NOP9: variants seen among roughly 807,000 people sequenced by gnomAD.
The protein encoded by NOP9 is NOP9 nucleolar protein, also known as nucleolar protein 9.
A neutral mutation model predicts 63.0 loss-of-function variants in NOP9; 50 were observed. The ratio of observed to expected loss-of-function variants is 0.79; its 90% CI spans 0.63 to 1.00. The LOEUF is 1.00. Ranked by LOEUF, NOP9 falls within the 50% of genes least tolerant of loss-of-function variation. The pLI, the probability that NOP9 is intolerant of heterozygous loss-of-function variation, is 0.00. For missense variants in NOP9, 758 were observed against 803.0 expected, an observed-to-expected ratio of 0.94 and a Z score of 0.68; for synonymous variants, 343 against 332.8, an observed-to-expected ratio of 1.03 and a Z score of -0.33.
At position 24,299,887 on chromosome 14, in the gene NOP9, C is replaced by G; in HGVS notation, c.-68C>G. On this transcript the variant is annotated 5_prime_UTR_variant, in exon 1 of 10. Transcript: ENST00000267425. ...AAACTTTGTCTGGATAAGGCGCACGCTTGGCGACGTCGAAGGTCCGTCCGC... is the reference window on the plus strand; with the variant it reads ...AAACTTTGTCTGGATAAGGCGCACGGTTGGCGACGTCGAAGGTCCGTCCGC... The G allele has an allele frequency of 6.7e-7, 1 of 1,489,682 alleles. No homozygotes were observed. Among genetic ancestry groups the G allele is most frequent in the South Asian group, 1.4e-5 (1 of 72,676 alleles). The allele number at this position is 1,489,682 out of a possible 1,614,324, so 92.3% of individuals were successfully genotyped here. A position where few individuals can be genotyped will look rare whatever the true frequency, so the allele number is the denominator to read the frequency against.
At chr14:24,291,960 G>A in the NOP9 span, 2 of 629,476 alleles carry the variant, frequency 3.2e-6, no homozygotes, top group East Asian at 2.8e-5. Context: ...TAGGACATAT[G>A]TGACCTTCAA....
the NOP9 span, chr14:24,292,600 G>C: frequency 6.2e-7 from 1 of 1,614,012 alleles, no homozygotes; most frequent in South Asian, 1.1e-5. Context: ...CTGAGCTATA[G>C]GTAACATCAC....
the NOP9 span, among the ~76,000 whole-genome samples, chr14:24,273,473 C>G: frequency 3.3e-5 from 5 of 152,224 alleles, no homozygotes; most frequent in South Asian, 6.2e-4. Flanking sequence ...GCCACCATGC[C>G]CCGCCAGTGC....
chr14:24,303,757 C>A lies in NOP9; in HGVS notation c.1310C>A (p.Ser437Tyr). 6.2e-7 allele frequency: 1 copy of A among 1,614,182 alleles called. No individual in the cohort carries two copies. Among genetic ancestry groups the A allele is most frequent in the East Asian group, 2.2e-5 (1 of 44,886 alleles). ...GCATTCCACTGTGCAGAGCCCTCAT[C>A]CCGGCAAGTGGCCTGTGTGCCTCTC... ...LEAFHCAEPS[S>Y]RQVACVPLFA... The change falls in exon 7 of 10, where the codon TCC becomes TAC. Residue 437 changes from serine to tyrosine, a missense_variant. Transcript: ENST00000267425.
the NOP9 span, among the ~76,000 whole-genome samples, chr14:24,278,173 G>T: frequency 5.9e-5 from 9 of 152,208 alleles, no homozygotes; most frequent in Non-Finnish European, 1.3e-4. Flanking sequence ...ACTCAGTGAA[G>T]TCACATACCC....
At chr14:24,298,363 CT>C (rs2041298556), upstream of NOP9, among the ~76,000 whole-genome samples, 1 of 152,204 alleles carries the variant, frequency 6.6e-6, no homozygotes, top group Admixed American at 6.5e-5. Context: ...TGGACTGAAT[CT>C]TTGAAGAGCA....
chr14:24,302,461 A>G lies in NOP9; in HGVS notation c.1143+37A>G, dbSNP rs1245892864. The G allele has an allele frequency of 2.5e-6, 4 of 1,571,172 alleles. No homozygotes were observed. The South Asian group carries it at 4.5e-5, about 18-fold the overall frequency. On this transcript the variant is annotated intron_variant, in intron 5 of 9. Transcript: ENST00000267425. ...ACCTGAGCTGGATCTGTTTCTGCTA[A>G]TTCTTGATCACTGGACCTTATTTTA...
At chr14:24,296,974 G>A (rs973344280), upstream of NOP9, 4 of 1,557,572 alleles carry the variant, frequency 2.6e-6, no homozygotes, top group Non-Finnish European at 3.5e-6. Flanking sequence ...GAACTGAGAA[G>A]ACAATCAATC....
chr14:24,298,333 T>C (rs982393979), upstream of NOP9, among the ~76,000 whole-genome samples: 6 of 152,242 alleles, frequency 3.9e-5, no homozygotes, highest in African/African-American at 1.2e-4. Flanking sequence ...ACTACAGGCA[T>C]GAGCCACTGT....
In NOP9 at chr14:24,299,883, C is replaced by T. The variant is rs1471952645; in HGVS notation, c.-72C>T. The T allele has an allele frequency of 2.0e-6, 3 of 1,483,796 alleles. No individual in the cohort carries two copies. Among genetic ancestry groups the T allele is most frequent in the East Asian group, 2.3e-5 (1 of 43,016 alleles). 91.9% of individuals were successfully genotyped at this position (1,483,796 alleles called of 1,614,324 possible). A position where few individuals can be genotyped will look rare whatever the true frequency, so the allele number is the denominator to read the frequency against. On this transcript the variant is annotated 5_prime_UTR_variant, in exon 1 of 10. Coordinates refer to ENST00000267425, the MANE Select transcript of NOP9 (RefSeq NM_174913.3). ...TTCTAAACTTTGTCTGGATAAGGCG[C>T]ACGCTTGGCGACGTCGAAGGTCCGT...
At chr14:24,294,548 A>G in the NOP9 span, 2 of 152,120 alleles carry the variant, frequency 1.3e-5, no homozygotes, top group Non-Finnish European at 2.9e-5. Flanking sequence ...GAGATTGCAC[A>G]CTGCACTCTA....
rs2041378508 is a variant in NOP9, at chr14:24,301,650, G to T, written c.736G>T (p.Asp246Tyr). The stretch of plus-strand genomic sequence containing the variant: ...CCCAGCTCAGGAATGTAAGCCAGCT[G>T]ATTTTGAAGTCCCTGAAACCTTTTT... The part of the protein sequence containing the change: ...KTPAQECKPA[D>Y]FEVPETFLNR... Residue 246 changes from aspartate to tyrosine, a missense_variant, in exon 3 of 10, where the codon GAT (aspartate) becomes TAT (tyrosine). Asp to Tyr is a radical substitution (Grantham distance 160, BLOSUM62 -3). Coordinates refer to ENST00000267425, the MANE Select transcript of NOP9 (RefSeq NM_174913.3). 1 of 1,614,120 alleles carries T rather than the reference G, an allele frequency of 6.2e-7. No individual in the cohort carries two copies. Among genetic ancestry groups the T allele is most frequent in the Middle Eastern group, 1.6e-4 (1 of 6,062 alleles).
At chr14:24,297,494 C>T (rs2041271030), upstream of NOP9, among the ~76,000 whole-genome samples, 1 of 152,184 alleles carries the variant, frequency 6.6e-6, no homozygotes, top group African/African-American at 2.4e-5. Context: ...GCTCTGGGTC[C>T]CCGCCTATTA....
At chr14:24,280,790 AGAAT>A in the NOP9 span, among the ~76,000 whole-genome samples, 3 of 152,180 alleles carry the variant, frequency 2.0e-5, no homozygotes, top group Non-Finnish European at 2.9e-5. Context: ...TAGTTGGGAA[AGAAT>A]GAATGAATGA....
upstream of NOP9, among the ~76,000 whole-genome samples, chr14:24,295,339 A>C (rs2041231741): frequency 6.6e-6 from 1 of 152,232 alleles, no homozygotes. Context: ...CACACACATA[A>C]CTTGGTAACC....
Position 24,300,042 on chromosome 14 carries a change from C to T in NOP9, c.88C>T (p.Arg30Cys), listed in dbSNP as rs371208153. 9 of 1,609,276 alleles carry T rather than the reference C, an allele frequency of 5.6e-6. No homozygotes were observed. In the African/African-American group the frequency reaches 1.2e-4, roughly 22 times the overall value. The change falls in exon 1 of 10, where the codon CGC becomes TGC. Residue 30 changes from arginine to cysteine, a missense_variant. Physicochemically the swap from Arg to Cys is radical, Grantham distance 180. Transcript: ENST00000267425. ...KRGRGAKGSGRPLPGRKRQPW... is the reference protein window; with the variant it reads ...KRGRGAKGSGCPLPGRKRQPW... ...GGGGCGCGGGGCCAAGGGGTCGGGG[C>T]GCCCCTTACCAGGCCGTAAGCGGCA...
chr14:24,302,349 G>A lies in NOP9; in HGVS notation c.1068G>A (p.Leu356=). ...SLFEEHLQGQ[L]QTLAAHPIAN... ...TTGAGGAGCACTTGCAGGGGCAGCTGCAGACCCTGGCTGCACATCCCATTG... is the reference window on the plus strand; with the variant it reads ...TTGAGGAGCACTTGCAGGGGCAGCTACAGACCCTGGCTGCACATCCCATTG... Residue 356 remains leucine (L), a synonymous_variant, in exon 5 of 10, where the codon CTG becomes CTA. Coordinates refer to ENST00000267425, the MANE Select transcript of NOP9 (RefSeq NM_174913.3). 1 of 1,614,122 alleles carries A rather than the reference G, an allele frequency of 6.2e-7. No homozygotes were observed. The highest frequency in any genetic ancestry group is 8.5e-7 in the Non-Finnish European group (1 of 1,180,026).
chr14:24,276,947 G>C, the NOP9 span, among the ~76,000 whole-genome samples: 1 of 152,212 alleles, frequency 6.6e-6, no homozygotes, highest in Non-Finnish European at 1.5e-5. Flanking sequence ...GGGAGACACA[G>C]AACGGAGGTA....
chr14:24,291,451 T>C, the NOP9 span: 2 of 1,288,410 alleles, frequency 1.6e-6, no homozygotes, highest in Non-Finnish European at 2.3e-6. Context: ...GAGAAAAGAA[T>C]GACATGTTCC....
Sources: allele counts gnomAD v4.1 joint callset (sites outside exome capture counted in the v4.1 genomes callset), GRCh38; gene constraint gnomAD v4.1.1; transcripts MANE v1.5; gene names NCBI Gene and HGNC (gene_info 2026-07-23, HGNC 2026-07-21).